The following ANO1 variants were observed in gnomAD, a reference collection of about 807,000 sequenced individuals.
ANO1 encodes the protein anoctamin 1, also known as anoctamin-1.
A neutral mutation model predicts 124.0 loss-of-function variants in ANO1; 59 were observed. That is an observed-to-expected ratio of 0.48 (90% CI 0.39 to 0.59). The LOEUF is 0.59. ANO1 is among the 20% of genes least tolerant of loss of function. ANO1 has a pLI of 0.00. For missense variants in ANO1, 1,059 were observed against 1,328.0 expected (o/e 0.80, Z 3.15); for synonymous variants, 529 against 532.0 (o/e 0.99, Z 0.08).
intron 3 of ANO1, 49 bp from the exon 4 acceptor site, chr11:70,103,950 A>G (rs753761410): frequency 3.2e-6 from 5 of 1,582,108 alleles, no homozygotes; most frequent in East Asian, 4.5e-5. Context: ...TCCACGGATC[A>G]TGGTCCAGCA....
intron 7 of ANO1, among the ~76,000 whole-genome samples, chr11:70,116,086 G>A (rs897198088): frequency 6.6e-6 from 1 of 152,218 alleles, no homozygotes; most frequent in Non-Finnish European, 1.5e-5. Context: ...TCCCAGCAGA[G>A]TGGGACATAT....
chr11:70,130,873 G>T (rs2046729145), intron 10 of ANO1, among the ~76,000 whole-genome samples: 3 of 152,224 alleles, frequency 2.0e-5, no homozygotes, highest in Admixed American at 2.0e-4. Context: ...CCAGAGAAGA[G>T]TCCTGGGATC....
At chr11:69,997,399 G>A (rs12797741) in intron 1 of ANO1, among the ~76,000 whole-genome samples, 40,487 of 151,900 alleles carry the variant, frequency 0.27, 5,617 homozygotes, top group East Asian at 0.44. Context: ...GTCAAGGATG[G>A]GGGCAGGAAG....
chr11:70,143,499 A>G, intron 11 of ANO1, among the ~76,000 whole-genome samples: 1 of 152,152 alleles, frequency 6.6e-6, no homozygotes, highest in South Asian at 2.1e-4. Flanking sequence ...TTGGAGAAGG[A>G]CGGCAGAAAG....
upstream of ANO1, among the ~76,000 whole-genome samples, chr11:69,981,043 C>T (rs566890217): frequency 6.6e-6 from 1 of 152,120 alleles, no homozygotes; most frequent in Non-Finnish European, 1.5e-5. Flanking sequence ...AGGAGCGAGA[C>T]TCCTTTACAA....
At chr11:70,047,665 A>G (rs1302496733) in intron 1 of ANO1, among the ~76,000 whole-genome samples, 3 of 152,204 alleles carry the variant, frequency 2.0e-5, no homozygotes, top group Non-Finnish European at 4.4e-5. Context: ...TCTTTTTGCC[A>G]TTCAGCCTTC....
At chr11:70,137,180 A>C (rs2046983305) in intron 11 of ANO1, among the ~76,000 whole-genome samples, 1 of 147,172 alleles carries the variant, frequency 6.8e-6, no homozygotes, top group Non-Finnish European at 1.5e-5. Context: ...GCAGTCTGTC[A>C]CCGCTGAAGC....
chr11:70,177,077 C>T (rs763843401), intron 22 of ANO1, among the ~76,000 whole-genome samples: 2 of 152,206 alleles, frequency 1.3e-5, no homozygotes, highest in Non-Finnish European at 2.9e-5. Flanking sequence ...ATCTCATCCC[C>T]GCCTCATCCC....
chr11:69,974,367 A>G, the ANO1 span, among the ~76,000 whole-genome samples: 4 of 152,152 alleles, frequency 2.6e-5, no homozygotes, highest in African/African-American at 9.7e-5. Flanking sequence ...ACACTTAGAG[A>G]TGGTTACTAT....
At chr11:69,976,378 G>C in the ANO1 span, among the ~76,000 whole-genome samples, 1 of 151,724 alleles carries the variant, frequency 6.6e-6, no homozygotes, top group Non-Finnish European at 1.5e-5. Flanking sequence ...ACGGTGGTGG[G>C]CGCCTGTAGT....
chr11:70,078,935 G>C (rs1386211782), intron 1 of ANO1, among the ~76,000 whole-genome samples: 1 of 151,832 alleles, frequency 6.6e-6, no homozygotes, highest in East Asian at 2.0e-4. Flanking sequence ...TTCCGAGCGC[G>C]GCGCCCACTC....
Position 70,104,169 on chromosome 11 carries a change from C to G in ANO1, c.692+19C>G. 4 of 1,605,662 alleles carry G rather than the reference C, an allele frequency of 2.5e-6. No homozygotes were observed. Among genetic ancestry groups the G allele is most frequent in the Non-Finnish European group, 3.4e-6 (4 of 1,175,278 alleles). On this transcript the variant is annotated intron_variant, in intron 4 of 25. Transcript: ENST00000355303. ...AGCATCTGTAAGTGGGGACCCCCAG[C>G]CTGCTCCCCAAAGGGTCCTGTGTGT...
At chr11:70,069,981 G>A (rs559921910) in intron 1 of ANO1, among the ~76,000 whole-genome samples, 1 of 152,144 alleles carries the variant, frequency 6.6e-6, no homozygotes, top group Non-Finnish European at 1.5e-5. Flanking sequence ...ACGGATCTTT[G>A]GATTTTGTCT....
chr11:70,100,677 G>C (rs2045230899), intron 2 of ANO1, among the ~76,000 whole-genome samples: 1 of 152,234 alleles, frequency 6.6e-6, no homozygotes, highest in Non-Finnish European at 1.5e-5. Flanking sequence ...ACACGCCTCA[G>C]GGCCTCAGTT....
chr11:70,182,351 A>C (rs2048958433), intron 23 of ANO1, 151 bp from the exon 24 acceptor site: 1 of 561,712 alleles, frequency 1.8e-6, no homozygotes, highest in Non-Finnish European at 2.9e-6. Context: ...CCATTCACTC[A>C]GCATGCCGAG....
chr11:70,056,004 T>C (rs1202884801), intron 1 of ANO1, among the ~76,000 whole-genome samples: 4 of 152,128 alleles, frequency 2.6e-5, no homozygotes, highest in African/African-American at 9.7e-5. Flanking sequence ...ATTTTTGTCA[T>C]GTATTAATAT....
intron 1 of ANO1, among the ~76,000 whole-genome samples, chr11:70,051,323 G>T (rs1211514363): frequency 2.6e-5 from 4 of 152,302 alleles, no homozygotes; most frequent in African/African-American, 9.6e-5. Context: ...TTGTTCTAGA[G>T]TATTCTGTTG....
chr11:70,059,569 C>T (rs182485240), intron 1 of ANO1, among the ~76,000 whole-genome samples: 1 of 152,234 alleles, frequency 6.6e-6, no homozygotes, highest in East Asian at 1.9e-4. Flanking sequence ...ATCTGCCAAT[C>T]TTGTGTTGGA....
chr11:70,130,344 AG>A (rs2046701785), intron 10 of ANO1, among the ~76,000 whole-genome samples: 1 of 152,332 alleles, frequency 6.6e-6, no homozygotes, highest in South Asian at 2.1e-4. Context: ...GGCCCAGTTC[AG>A]GCCACCCAAC....
Sources: allele counts gnomAD v4.1 joint callset (sites outside exome capture counted in the v4.1 genomes callset), GRCh38; gene constraint gnomAD v4.1.1; transcripts MANE v1.5; gene names NCBI Gene and HGNC (gene_info 2026-07-23, HGNC 2026-07-21).